Variants in FYB2 observed in about 807,000 individuals in gnomAD.
The protein encoded by FYB2 is FYN-binding protein 2.
In FYB2, 103 loss-of-function variants were observed where a neutral mutation model predicts 94.1. The ratio of observed to expected loss-of-function variants is 1.09; its 90% CI spans 0.93 to 1.29. FYB2 has a LOEUF of 1.29. Among genes scored for constraint, FYB2 ranks in the 50% most tolerant of loss-of-function variants. The pLI is 0.00. For missense variants in FYB2, 896 were observed against 841.5 expected (o/e 1.06, Z -0.80); for synonymous variants, 293 against 287.9 (o/e 1.02, Z -0.18).
chr1:56,744,324 T>A (rs1202563894), intron 9 of FYB2, 58 bp from the exon 10 acceptor site: 3 of 1,232,436 alleles, frequency 2.4e-6, no homozygotes, highest in Non-Finnish European at 3.5e-6. Context: ...ATAAAGTCAT[T>A]CACACACATC....
chr1:56,824,007 C>G (rs919547552), upstream of FYB2: 1 of 152,198 alleles, frequency 6.6e-6, no homozygotes, highest in East Asian at 1.9e-4. Context: ...AAGCAGGGAA[C>G]CCCCGTCTCT....
rs139716035 is a variant in FYB2 at position 56,755,353 on chromosome 1, C to T, written c.1130+543G>A. 2.6e-5 allele frequency among the ~76,000 whole-genome samples: 4 copies of T among 152,126 alleles called. No homozygotes were observed. In the East Asian group the frequency reaches 7.8e-4, roughly 30 times the overall value. On this transcript the variant is annotated intron_variant, in intron 7 of 19. Coordinates refer to ENST00000343433, the MANE Select transcript of FYB2 (RefSeq NM_001004303.5). ...ACAGACCTTACAGTGGTACCACAGG[C>T]AAGGGATTGGTCACTTCTCTCAGGG... is the stretch of plus-strand genomic sequence containing the variant.
chr1:56,744,462 T>G (rs1286537720), intron 9 of FYB2, among the ~76,000 whole-genome samples, 196 bp from the exon 10 acceptor site: 1 of 151,906 alleles, frequency 6.6e-6, no homozygotes, highest in Non-Finnish European at 1.5e-5. Context: ...TTCTCTGAAG[T>G]TGAGGATAAT....
At chr1:56,732,607 G>T (rs577577379) in intron 15 of FYB2, among the ~76,000 whole-genome samples, 1 of 152,194 alleles carries the variant, frequency 6.6e-6, no homozygotes, top group African/African-American at 2.4e-5. Context: ...AATCAAAACA[G>T]CACAGTGTTG....
chr1:56,732,446 C>T (rs1318252366), intron 15 of FYB2, among the ~76,000 whole-genome samples: 1 of 152,120 alleles, frequency 6.6e-6, no homozygotes, highest in African/African-American at 2.4e-5. Context: ...CATCAAAATA[C>T]CAATGCCTTT....
intron 4 of FYB2, among the ~76,000 whole-genome samples, chr1:56,776,006 G>A (rs1282261453): frequency 6.6e-6 from 1 of 152,142 alleles, no homozygotes; most frequent in African/African-American, 2.4e-5. Context: ...TGAGGAAACT[G>A]AGGCTTGGAG....
At chr1:56,719,793 G>T in intron 19 of FYB2, 101 bp from the exon 20 acceptor site, 1 of 1,188,348 alleles carries the variant, frequency 8.4e-7, no homozygotes, top group Non-Finnish European at 1.2e-6. Context: ...TAATATGTTT[G>T]TGTTCTTTTA....
chr1:56,763,180 G>A (rs909629259), intron 5 of FYB2, among the ~76,000 whole-genome samples: 3 of 152,106 alleles, frequency 2.0e-5, no homozygotes, highest in African/African-American at 7.2e-5. Context: ...TTGTTGAGGA[G>A]TTTTATGACT....
chr1:56,720,445 G>T, intron 17 of FYB2, 116 bp from the exon 18 acceptor site: 2 of 872,896 alleles, frequency 2.3e-6, no homozygotes, highest in Non-Finnish European at 3.2e-6. Flanking sequence ...CTATTGACTA[G>T]TTAAATAACA....
At chr1:56,745,070 G>A (rs1258297025) in intron 9 of FYB2, among the ~76,000 whole-genome samples, 2 of 151,942 alleles carry the variant, frequency 1.3e-5, no homozygotes, top group African/African-American at 4.8e-5. Context: ...CCATCTCAAT[G>A]AATGTCAGCT....
At chr1:56,803,041 T>C (rs975087655) in intron 1 of FYB2, among the ~76,000 whole-genome samples, 2 of 152,210 alleles carry the variant, frequency 1.3e-5, no homozygotes, top group African/African-American at 4.8e-5. Flanking sequence ...ATTGCTTGGA[T>C]TCTCTGAGAT....
intron 1 of FYB2, among the ~76,000 whole-genome samples, chr1:56,799,683 A>G (rs1312112229): frequency 6.6e-6 from 1 of 152,218 alleles, no homozygotes; most frequent in African/African-American, 2.4e-5. Context: ...GGAAATGATA[A>G]TAAATTCTGT....
At chr1:56,786,567 C>G (rs990316761) in intron 4 of FYB2, among the ~76,000 whole-genome samples, 1 of 152,102 alleles carries the variant, frequency 6.6e-6, no homozygotes. Context: ...GTAGTTATGG[C>G]ACATCTGGGT....
chr1:56,787,383 C>A (rs1646156549), intron 3 of FYB2, among the ~76,000 whole-genome samples, 175 bp from the exon 4 acceptor site: 2 of 152,252 alleles, frequency 1.3e-5, no homozygotes, highest in African/African-American at 4.8e-5. Context: ...CCCTGCATTG[C>A]AGCACTCACC....
chr1:56,730,621 G>A (rs1284251215), intron 15 of FYB2, among the ~76,000 whole-genome samples: 1 of 152,004 alleles, frequency 6.6e-6, no homozygotes, highest in Non-Finnish European at 1.5e-5. Flanking sequence ...ACCAATAAAA[G>A]TGATGAGATT....
intron 16 of FYB2, among the ~76,000 whole-genome samples, chr1:56,726,282 AGAT>A (rs1331475787): frequency 2.0e-5 from 3 of 152,092 alleles, no homozygotes; most frequent in African/African-American, 4.8e-5. Context: ...GTAGGGAGGA[AGAT>A]GATGAAGATA....
intron 4 of FYB2, among the ~76,000 whole-genome samples, chr1:56,773,850 T>C (rs1465538521): frequency 1.3e-5 from 2 of 152,158 alleles, no homozygotes; most frequent in Non-Finnish European, 1.5e-5. Flanking sequence ...ATTTGCTCTG[T>C]GTAACATTCT....
intron 5 of FYB2, among the ~76,000 whole-genome samples, chr1:56,762,238 T>C (rs1645513805): frequency 6.6e-6 from 1 of 152,230 alleles, no homozygotes; most frequent in Non-Finnish European, 1.5e-5. Context: ...TTTAGGATAA[T>C]CTTGTCTGTA....
At chr1:56,822,458 C>A (rs1646997977), upstream of FYB2, among the ~76,000 whole-genome samples, 1 of 152,214 alleles carries the variant, frequency 6.6e-6, no homozygotes, top group African/African-American at 2.4e-5. Flanking sequence ...GGCTCAAAAT[C>A]TTCTAGATAT....
Sources: gnomAD v4.1 joint callset for allele counts (sites outside exome capture counted in the v4.1 genomes callset) on GRCh38, gnomAD v4.1.1 for gene constraint, MANE v1.5 for transcripts, NCBI Gene and HGNC (gene_info 2026-07-23, HGNC 2026-07-21) for gene names.